The following COL9A1 variants were observed in gnomAD, a reference collection of about 807,000 sequenced individuals.
COL9A1 encodes the protein collagen type IX alpha 1 chain.
COL9A1 carries 104 observed loss-of-function variants against 142.6 expected under a neutral mutation model. The ratio of observed to expected loss-of-function variants is 0.73; its 90% confidence interval spans 0.62 to 0.86. The LOEUF (loss-of-function observed/expected upper bound fraction) is 0.86. COL9A1 is among the 40% of genes least tolerant of loss of function. The pLI is 0.00. For missense variants in COL9A1, 1,210 were observed against 1,176.6 expected (o/e 1.03, Z -0.42); for synonymous variants, 466 against 396.0 (o/e 1.18, Z -2.10).
intron 19 of COL9A1, among the ~76,000 whole-genome samples, chr6:70,262,105 G>T (rs536326216): frequency 2.0e-5 from 3 of 151,792 alleles, no homozygotes; most frequent in African/African-American, 7.3e-5. Flanking sequence ...GAATCTTTGG[G>T]AATGGCTTTT....
intron 17 of COL9A1, among the ~76,000 whole-genome samples, chr6:70,268,116 T>C (rs1402053838): frequency 3.3e-5 from 5 of 152,246 alleles, no homozygotes; most frequent in African/African-American, 1.2e-4. Context: ...CTGACTATTT[T>C]GCACAGTTTT....
rs1464071838 is a variant in COL9A1 at position 70,270,373 on chromosome 6, T to A, written c.1144-6A>T. 2.5e-6 allele frequency: 4 copies of A among 1,613,570 alleles called. No homozygotes were observed. Among genetic ancestry groups the A allele is most frequent in the Non-Finnish European group, 2.5e-6 (3 of 1,179,732 alleles). Reference sequence around the variant, plus strand: ...CCTCTTCTCCCAGGGTCACCCTAAGTTATTTGAAAATTGCGACACAGTGGT... The same window carrying A: ...CCTCTTCTCCCAGGGTCACCCTAAGATATTTGAAAATTGCGACACAGTGGT... On this transcript the variant is annotated splice_polypyrimidine_tract_variant and splice_region_variant and intron_variant, in intron 14 of 37. Coordinates refer to ENST00000357250, the MANE Select transcript of COL9A1 (RefSeq NM_001851.6).
At position 70,226,157 on chromosome 6, in the gene COL9A1, A is replaced by G; in HGVS notation, c.2504-148T>C. On this transcript the variant is annotated intron_variant, in intron 36 of 37. Coordinates refer to ENST00000357250, the MANE Select transcript of COL9A1 (RefSeq NM_001851.6). ...ATTGTAGTGAGTATGTAGCAAGGCA[A>G]AAATCAAGTTCATCTATTAATAGAT... 9.0e-6 allele frequency: 6 copies of G among 669,920 alleles called. No homozygotes were observed. In the South Asian group the frequency reaches 1.1e-4, roughly 12 times the overall value. 41.5% of individuals were successfully genotyped at this position (669,920 alleles called of 1,614,324 possible).
chr6:70,269,368 A>G (rs1772246289), intron 16 of COL9A1, among the ~76,000 whole-genome samples: 1 of 152,210 alleles, frequency 6.6e-6, no homozygotes, highest in African/African-American at 2.4e-5. Context: ...ATCTCTTTAA[A>G]ACCTGGATGC....
chr6:70,282,777 A>T (rs1773245006), intron 7 of COL9A1, 121 bp downstream of exon 7: 2 of 1,456,516 alleles, frequency 1.4e-6, no homozygotes, highest in East Asian at 4.7e-5. Flanking sequence ...GGCTGGAGGA[A>T]GCGCGGGTCT....
intron 5 of COL9A1, among the ~76,000 whole-genome samples, chr6:70,289,835 C>T (rs1253074028): frequency 1.3e-5 from 2 of 152,236 alleles, no homozygotes; most frequent in East Asian, 3.9e-4. Flanking sequence ...ATATTAATCA[C>T]AGCCTCATAA....
At position 70,274,727 on chromosome 6, in the gene COL9A1, C is replaced by T. The variant is rs1343096821; in HGVS notation, c.1021G>A (p.Gly341Arg). The T allele has an allele frequency of 1.2e-6, 2 of 1,611,986 alleles. No individual in the cohort carries two copies. The highest frequency in any genetic ancestry group is 1.7e-5 in the Admixed American group (1 of 59,962). ...DGSPGSIGSK[G>R]QKGEPGVPGS... ...CCAGATGGCTAACTTACTTTTTGTC[C>T]CTTTGACCCAATGGAGCCAGGGGAT... Residue 341 changes from glycine to arginine, a missense_variant, in exon 11 of 38, where the codon GGA becomes AGA. Transcript: ENST00000357250.
chr6:70,267,327 G>GTTTTGTTTTT (rs1554241921), intron 17 of COL9A1, among the ~76,000 whole-genome samples: 1 of 127,032 alleles, frequency 7.9e-6, no homozygotes, highest in African/African-American at 3.0e-5. Flanking sequence ...TGGTTTTTTT[G>GTTTTGTTTTT]TTTTTTTTTT....
intron 31 of COL9A1, 130 bp from the exon 32 acceptor site, chr6:70,240,863 C>G (rs1770212354): frequency 1.3e-6 from 1 of 791,432 alleles, no homozygotes; most frequent in Non-Finnish European, 2.3e-6. Flanking sequence ...ACAAAATGCT[C>G]TCAGCGGCTT....
At chr6:70,225,543 G>A (rs1649532993) in intron 37 of COL9A1, among the ~76,000 whole-genome samples, 1 of 151,700 alleles carries the variant, frequency 6.6e-6, no homozygotes, top group Admixed American at 6.6e-5. Flanking sequence ...TTGTGCAAGA[G>A]ATTAAAAACA....
chr6:70,224,702 C>G (rs377291938), intron 37 of COL9A1, among the ~76,000 whole-genome samples: 312 of 152,230 alleles, frequency 2.0e-3, no homozygotes, highest in African/African-American at 7.2e-3. Flanking sequence ...CTCTACACAC[C>G]CATCAATGAA....
intron 24 of COL9A1, 116 bp downstream of exon 24, chr6:70,254,847 A>G: frequency 1.0e-6 from 1 of 984,664 alleles, no homozygotes. Flanking sequence ...AAAGGAAGGG[A>G]AAAAGCCAAA....
At position 70,241,997 on chromosome 6, in the gene COL9A1, CCCAGGCAAG is replaced by C. The variant is rs777456489; in HGVS notation, c.1956_1964del (p.Leu653_Gly655del). The C allele has an allele frequency of 6.3e-7, 1 of 1,599,702 alleles. No homozygotes were observed. The highest frequency in any genetic ancestry group is 8.5e-7 in the Non-Finnish European group (1 of 1,172,086). Reference sequence around the variant, plus strand: ...CTTTCATTCCAGGAAGTCCAGGGGGCCCAGGCAAGCCAGGGAGGCCAGGGCTACCCAGAG... The same window carrying C: ...CTTTCATTCCAGGAAGTCCAGGGGGCCCAGGGAGGCCAGGGCTACCCAGAG... On this transcript the variant is annotated inframe_deletion, in exon 30 of 38. Coordinates refer to ENST00000357250, the MANE Select transcript of COL9A1 (RefSeq NM_001851.6).
intron 37 of COL9A1, among the ~76,000 whole-genome samples, chr6:70,217,319 C>T (rs753964715): frequency 1.6e-4 from 25 of 152,270 alleles, no homozygotes; most frequent in Non-Finnish European, 3.2e-4. Flanking sequence ...CTCTAACCCC[C>T]ATTTCCATCA....
intron 16 of COL9A1, among the ~76,000 whole-genome samples, chr6:70,269,362 C>T (rs1256409900): frequency 1.3e-5 from 2 of 152,144 alleles, no homozygotes; most frequent in Non-Finnish European, 1.5e-5. Context: ...AACTCTATCT[C>T]TTTAAAACCT....
chr6:70,229,408 A>G (rs1278656114), intron 36 of COL9A1, among the ~76,000 whole-genome samples: 1 of 152,192 alleles, frequency 6.6e-6, no homozygotes, highest in Non-Finnish European at 1.5e-5. Context: ...AAAAATACAC[A>G]GCTTCAGCAG....
intron 25 of COL9A1, 93 bp downstream of exon 25, chr6:70,254,383 A>G: frequency 8.9e-7 from 1 of 1,118,806 alleles, no homozygotes; most frequent in Admixed American, 1.8e-5. Flanking sequence ...CTTCCCCAGA[A>G]CTTATCAGAT....
Position 70,302,204 on chromosome 6 carries a change from C to CT in COL9A1, c.15-131dup, listed in dbSNP as rs202054376. 0.06 allele frequency: 21,137 copies of CT among 350,716 alleles called. 339 individuals are homozygous for CT. Among genetic ancestry groups the CT allele is most frequent in the Non-Finnish European group, 0.069 (12,856 of 186,574 alleles). The allele number at this position is 350,716 out of a possible 1,614,324, so 21.7% of individuals were successfully genotyped here. On this transcript the variant is annotated intron_variant, in intron 1 of 37. Transcript: ENST00000357250. Reference sequence around the variant, plus strand: ...TCACAGTATAGTTTTTTTTTCATTTCTTTTTTTTTTTTTTTTTTTTTTTGA... The same window carrying CT: ...TCACAGTATAGTTTTTTTTTCATTTCTTTTTTTTTTTTTTTTTTTTTTTTGA...
intron 17 of COL9A1, among the ~76,000 whole-genome samples, chr6:70,268,399 A>G (rs970992930): frequency 4.6e-5 from 7 of 152,044 alleles, no homozygotes; most frequent in Non-Finnish European, 8.8e-5. Context: ...TTTCTTGTAG[A>G]GACAGGGGTC....
Sources: allele counts gnomAD v4.1 joint callset (sites outside exome capture counted in the v4.1 genomes callset), GRCh38; gene constraint gnomAD v4.1.1; transcripts MANE v1.5; gene names NCBI Gene and HGNC (gene_info 2026-07-23, HGNC 2026-07-21).